The following P3H1 variants were observed in gnomAD, a reference collection of about 807,000 sequenced individuals.
The protein encoded by P3H1 is growth suppressor 1.
Under a neutral mutation model 84.0 loss-of-function variants are expected in P3H1, and 69 were observed. The observed-to-expected ratio is 0.82, with a 90% confidence interval of 0.68 to 1.00. P3H1 has a LOEUF of 1.00. Ranked by LOEUF, P3H1 falls within the 50% of genes least tolerant of loss-of-function variation. P3H1 has a pLI of 0.00. For missense variants in P3H1, 878 were observed against 962.8 expected, an observed-to-expected ratio of 0.91 and a Z score of 1.17; for synonymous variants, 366 against 388.8, an observed-to-expected ratio of 0.94 and a Z score of 0.69.
chr1:42,755,823 C>T (rs1198349814), intron 5 of P3H1, among the ~76,000 whole-genome samples, 186 bp from the exon 6 acceptor site: 2 of 152,124 alleles, frequency 1.3e-5, no homozygotes, highest in Non-Finnish European at 2.9e-5. Context: ...CTGCCTGGCA[C>T]AAGCAACAGT....
chr1:42,764,441 AAAAGAAAG>A (rs1553144133), intron 1 of P3H1, among the ~76,000 whole-genome samples: 1 of 136,164 alleles, frequency 7.3e-6, no homozygotes, highest in Non-Finnish European at 1.6e-5. Context: ...AAAAAAAAAA[AAAAGAAAG>A]AAAGAAAAGA....
intron 5 of P3H1, among the ~76,000 whole-genome samples, chr1:42,757,427 A>G (rs897282951): frequency 6.6e-6 from 1 of 152,246 alleles, no homozygotes; most frequent in Non-Finnish European, 1.5e-5. Flanking sequence ...GCAGAAAAAA[A>G]ACAACCAGTA....
intron 2 of P3H1, chr1:42,762,122 A>T (rs931729150): frequency 1.3e-5 from 7 of 545,946 alleles, no homozygotes; most frequent in African/African-American, 1.1e-4. Flanking sequence ...AATGTCATTT[A>T]AAAAAAAACA....
At chr1:42,758,824 G>T in intron 4 of P3H1, 28 bp downstream of exon 4, 1 of 1,613,702 alleles carries the variant, frequency 6.2e-7, no homozygotes, top group South Asian at 1.1e-5. Context: ...TTAGCCAGCA[G>T]AGAAAGAGGA....
intron 5 of P3H1, among the ~76,000 whole-genome samples, chr1:42,757,251 G>A (rs543311374): frequency 1.9e-3 from 289 of 152,296 alleles, no homozygotes; most frequent in Non-Finnish European, 3.2e-3. Context: ...TCCAGAGCTC[G>A]GAAGAAGAGC....
chr1:42,746,728 C>A lies in P3H1; in HGVS notation c.2180G>T (p.Gly727Val). 6.4e-7 allele frequency: 1 copy of A among 1,552,098 alleles called. No individual in the cohort carries two copies. Among genetic ancestry groups the A allele is most frequent in the Non-Finnish European group, 8.7e-7 (1 of 1,147,188 alleles). ...PPEPAQESLS[G>V]SESKPKDEL ...CTCATCCTTGGGCTTCGATTCACTGCCTGAGAGAGACTCTTGTGCAGGTTC... is the reference window on the plus strand; with the variant it reads ...CTCATCCTTGGGCTTCGATTCACTGACTGAGAGAGACTCTTGTGCAGGTTC... The change falls in exon 15 of 15, where the codon GGC becomes GTC. Residue 727 changes from glycine (G) to valine (V), a missense_variant. Gly to Val is a moderately radical substitution (Grantham distance 109). Transcript: ENST00000296388.
At chr1:42,746,982 C>T (rs1056818669) in intron 14 of P3H1, 130 bp from the exon 15 acceptor site, 5 of 1,614,148 alleles carry the variant, frequency 3.1e-6, no homozygotes, top group Non-Finnish European at 4.2e-6. Flanking sequence ...CCCAGCAGGT[C>T]CTACTCTCTG....
intron 10 of P3H1, chr1:42,751,829 G>A (rs1021563473): frequency 6.9e-5 from 16 of 231,314 alleles, no homozygotes; most frequent in Middle Eastern, 1.0e-3. Context: ...CTAACACAAC[G>A]CCCCTCTTTA....
chr1:42,747,714 A>T lies in P3H1; in HGVS notation c.1914+9T>A. 1.9e-6 allele frequency: 3 copies of T among 1,613,806 alleles called. No individual in the cohort carries two copies. Among genetic ancestry groups the T allele is most frequent in the Non-Finnish European group, 2.5e-6 (3 of 1,179,664 alleles). ...TATCTCCCAGGGACAAGGACAAGGG[A>T]GCACTCACCGTCACGGTCTTGGCAT... is the stretch of plus-strand genomic sequence containing the variant. On this transcript the variant is annotated intron_variant, in intron 13 of 14. Transcript: ENST00000296388.
chr1:42,766,319 T>G (rs1295093256), intron 1 of P3H1, among the ~76,000 whole-genome samples, 188 bp downstream of exon 1: 2 of 152,168 alleles, frequency 1.3e-5, no homozygotes, highest in Non-Finnish European at 2.9e-5. Context: ...CATCTGCCCA[T>G]GCGAACTGGG....
At chr1:42,749,876 C>T in intron 11 of P3H1, 1 of 401,068 alleles carries the variant, frequency 2.5e-6, no homozygotes. Flanking sequence ...AACCCGGAGG[C>T]AGGTCCTCTA....
At chr1:42,747,531 A>G in intron 13 of P3H1, 119 bp from the exon 14 acceptor site, 2 of 1,154,288 alleles carry the variant, frequency 1.7e-6, no homozygotes, top group Non-Finnish European at 2.6e-6. Context: ...TGGCTTCCCT[A>G]AGACCAGAAC....
rs1338909946 is a variant in P3H1 at position 42,750,239 on chromosome 1, T to C, written c.1667A>G (p.Asp556Gly). The change falls in exon 11 of 15, where the codon GAT becomes GGT. Residue 556 changes from aspartate to glycine, a missense_variant. By Grantham distance (94) the Asp-to-Gly change is moderately conservative (BLOSUM62 -1). Coordinates refer to ENST00000296388, the MANE Select transcript of P3H1 (RefSeq NM_022356.4). ...RRIMESYFRLDTPLYFSYSHL... is the reference protein window; with the variant it reads ...RRIMESYFRLGTPLYFSYSHL... ...AGAGTAGGAAAAGTAGAGGGGCGTA[T>C]CCAGGCGGAAGTAGGACTCCATGAT... is the stretch of plus-strand genomic sequence containing the variant. 1.2e-6 allele frequency: 2 copies of C among 1,613,546 alleles called. No individual in the cohort carries two copies. Among genetic ancestry groups the C allele is most frequent in the Non-Finnish European group, 1.7e-6 (2 of 1,179,912 alleles).
chr1:42,756,591 A>G (rs147098286), intron 5 of P3H1: 1 of 154,424 alleles, frequency 6.5e-6, no homozygotes, highest in Non-Finnish European at 1.5e-5. Flanking sequence ...TAAGAGGAAG[A>G]GAGACGTTTT....
chr1:42,757,653 A>C (rs1462329404), intron 5 of P3H1, 130 bp downstream of exon 5: 2 of 1,344,908 alleles, frequency 1.5e-6, no homozygotes, highest in South Asian at 2.4e-5. Context: ...CTGAACTCAC[A>C]TCTGGCCCCA....
At chr1:42,764,366 T>A (rs989035119) in intron 1 of P3H1, among the ~76,000 whole-genome samples, 1 of 148,414 alleles carries the variant, frequency 6.7e-6, no homozygotes, top group Non-Finnish European at 1.5e-5. Context: ...AAGTCAGAGG[T>A]TGCAGTAAGC....
At chr1:42,762,569 G>C in intron 1 of P3H1, 94 bp from the exon 2 acceptor site, 1 of 1,354,288 alleles carries the variant, frequency 7.4e-7, no homozygotes, top group Non-Finnish European at 1.0e-6. Flanking sequence ...GGAAATCCCT[G>C]CCTCCCTGAG....
rs1570487789 is a variant in P3H1, at chr1:42,766,940, G to A, written c.32C>T (p.Thr11Ile). The part of the protein sequence containing the change: MAVRALKLLT[T>I]LLAVVAAASQ... ...GGCAGCGGCCACGACAGCCAGCAGTGTGGTCAGCAGCTTCAACGCGCGTAC... is the reference window on the plus strand; with the variant it reads ...GGCAGCGGCCACGACAGCCAGCAGTATGGTCAGCAGCTTCAACGCGCGTAC... The change falls in exon 1 of 15, where the codon ACA becomes ATA. Residue 11 changes from threonine (T) to isoleucine (I), a missense_variant. Thr to Ile is a moderately conservative substitution (Grantham distance 89). Transcript: ENST00000296388. 2 of 1,609,432 alleles carry A rather than the reference G, an allele frequency of 1.2e-6. No homozygotes were observed.
At chr1:42,763,620 C>T (rs1179304136) in intron 1 of P3H1, among the ~76,000 whole-genome samples, 2 of 138,202 alleles carry the variant, frequency 1.4e-5, no homozygotes, top group Admixed American at 8.0e-5. Flanking sequence ...TACAGCGAGC[C>T]GAGATCACAG....
Sources: gnomAD v4.1 joint callset for allele counts (sites outside exome capture counted in the v4.1 genomes callset) on GRCh38, gnomAD v4.1.1 for gene constraint, MANE v1.5 for transcripts, NCBI Gene and HGNC (gene_info 2026-07-23, HGNC 2026-07-21) for gene names.